The following CACNA2D1 variants were observed in gnomAD, a reference collection of about 807,000 sequenced individuals.
The protein encoded by CACNA2D1 is voltage-dependent calcium channel subunit alpha-2/delta-1.
In CACNA2D1, 53 loss-of-function variants were observed where a neutral mutation model predicts 171.5. The observed-to-expected ratio is 0.31, with a 90% CI of 0.25 to 0.39. CACNA2D1 has a LOEUF of 0.39. Ranked by LOEUF, CACNA2D1 falls within the 10% of genes least tolerant of loss-of-function variation. CACNA2D1 has a pLI of 1.00. For synonymous variants in CACNA2D1, 442 were observed against 443.1 expected (o/e 1.00, Z 0.03); for missense variants, 903 against 1,299.8 (o/e 0.69, Z 4.69).
intron 3 of CACNA2D1, among the ~76,000 whole-genome samples, chr7:82,230,654 A>G (rs1802832069): frequency 6.6e-6 from 1 of 152,194 alleles, no homozygotes; most frequent in Non-Finnish European, 1.5e-5. Flanking sequence ...TGGTAATGCT[A>G]TTTTAAAATA....
rs189241774 is a variant in CACNA2D1 at position 82,085,142 on chromosome 7, T to G, written c.527-242A>C. 1.4e-3 allele frequency among the ~76,000 whole-genome samples: 211 copies of G among 152,294 alleles called. 2 individuals are homozygous for G. The highest frequency in any genetic ancestry group is 2.2e-3 in the Non-Finnish European group (151 of 68,026). Reference sequence around the variant, plus strand: ...AGAGGTTTATACTCTGGAGAGAATTTCTGAAAACAAAACTTTGTATGACAG... The same window carrying G: ...AGAGGTTTATACTCTGGAGAGAATTGCTGAAAACAAAACTTTGTATGACAG... On this transcript the variant is annotated intron_variant, in intron 6 of 38. Transcript: ENST00000356860.
intron 4 of CACNA2D1, among the ~76,000 whole-genome samples, chr7:82,169,555 A>G (rs998171114): frequency 1.3e-5 from 2 of 152,054 alleles, no homozygotes; most frequent in Admixed American, 6.6e-5. Context: ...TTTTCCTTTG[A>G]TATTCAACAT....
intron 2 of CACNA2D1, among the ~76,000 whole-genome samples, chr7:82,345,291 C>A: frequency 6.6e-6 from 1 of 152,118 alleles, no homozygotes; most frequent in East Asian, 1.9e-4. Flanking sequence ...CTTTGAGTAG[C>A]ATATTGAAAT....
chr7:82,437,812 G>T (rs1830219339), intron 1 of CACNA2D1, among the ~76,000 whole-genome samples: 1 of 151,990 alleles, frequency 6.6e-6, no homozygotes, highest in South Asian at 2.1e-4. Context: ...AGCCTACAAA[G>T]AAGGGATATT....
At chr7:82,220,706 C>A (rs1049285842) in intron 3 of CACNA2D1, among the ~76,000 whole-genome samples, 5 of 151,580 alleles carry the variant, frequency 3.3e-5, no homozygotes, top group Non-Finnish European at 4.4e-5. Context: ...ATAGCCATTG[C>A]AGATAGTGCT....
At chr7:82,415,154 T>C (rs1329683591) in intron 1 of CACNA2D1, among the ~76,000 whole-genome samples, 5 of 152,032 alleles carry the variant, frequency 3.3e-5, no homozygotes, top group South Asian at 4.2e-4. Flanking sequence ...CACAGAAGAG[T>C]ACAGGAAGAC....
At position 82,030,832 on chromosome 7, in the gene CACNA2D1, G is replaced by C. The variant is rs566371990; in HGVS notation, c.1143+1965C>G. On this transcript the variant is annotated intron_variant, in intron 12 of 38. Transcript: ENST00000356860. ...GATTAATTTGTAAATTTTTGAGATA[G>C]TACATTTTATATTAATAGAATTGAA... is the stretch of plus-strand genomic sequence containing the variant. 9.9e-5 allele frequency among the ~76,000 whole-genome samples: 15 copies of C among 151,886 alleles called. No individual in the cohort carries two copies. In the Admixed American group the frequency reaches 9.9e-4, roughly 10 times the overall value.
In CACNA2D1 at chr7:82,066,349, C is replaced by A. The variant is rs1183493335; in HGVS notation, c.728+106G>T. On this transcript the variant is annotated intron_variant, in intron 8 of 38. Coordinates refer to ENST00000356860, the MANE Select transcript of CACNA2D1 (RefSeq NM_000722.4). ...TTATTTTTAAAAATCAGATCACTTT[C>A]AATAAGTAGTTAATACTCATCCTAA... 4 of 1,403,354 alleles carry A rather than the reference C, an allele frequency of 2.9e-6. No individual in the cohort carries two copies. In the African/African-American group the frequency reaches 5.8e-5, roughly 20 times the overall value. The allele number at this position is 1,403,354 out of a possible 1,614,324, so 86.9% of individuals were successfully genotyped here.
intron 1 of CACNA2D1, among the ~76,000 whole-genome samples, chr7:82,429,925 G>A (rs1829529030): frequency 6.6e-6 from 1 of 152,150 alleles, no homozygotes; most frequent in African/African-American, 2.4e-5. Context: ...AGTCTGCACA[G>A]CCTCCATTGT....
At position 81,983,379 on chromosome 7, in the gene CACNA2D1, AAG is replaced by A. The variant is rs1491558757; in HGVS notation, c.1874-47_1874-46del. 6.0e-6 allele frequency: 9 copies of A among 1,507,286 alleles called. No individual in the cohort carries two copies. The African/African-American group carries it at 1.1e-4, about 18-fold the overall frequency. 93.4% of individuals were successfully genotyped at this position (1,507,286 alleles called of 1,614,324 possible). The stretch of plus-strand genomic sequence containing the variant: ...AGAGAAAGCAGGGAAACAAAAAAAA[AAG>A]AGGGTAAAGCAAAGGGGGTCATAAA... On this transcript the variant is annotated intron_variant, in intron 22 of 38. Transcript: ENST00000356860.
At chr7:82,426,895 T>C (rs994920784) in intron 1 of CACNA2D1, among the ~76,000 whole-genome samples, 1 of 152,138 alleles carries the variant, frequency 6.6e-6, no homozygotes, top group African/African-American at 2.4e-5. Flanking sequence ...TGCTACAGAA[T>C]TAGAGAGGGA....
chr7:82,277,033 A>G (rs946304085), intron 3 of CACNA2D1, among the ~76,000 whole-genome samples: 2 of 151,984 alleles, frequency 1.3e-5, no homozygotes, highest in Admixed American at 1.3e-4. Context: ...GGTGGGAGCC[A>G]CCCTGCCCAG....
At chr7:82,127,686 GTTA>G (rs1790489154) in intron 5 of CACNA2D1, among the ~76,000 whole-genome samples, 2 of 152,148 alleles carry the variant, frequency 1.3e-5, no homozygotes, top group African/African-American at 2.4e-5. Flanking sequence ...TTTAAAGAGA[GTTA>G]TTATTTAAAT....
In CACNA2D1 at chr7:82,039,447, C is replaced by A. The variant is rs184062411; in HGVS notation, c.880-1212G>T. Among the ~76,000 whole-genome samples the A allele has an allele frequency of 9.2e-5, 14 of 152,230 alleles. 1 individual carries two copies. In the East Asian group the frequency reaches 2.5e-3, roughly 27 times the overall value. On this transcript the variant is annotated intron_variant, in intron 10 of 38. Transcript: ENST00000356860. ...AAATATATAAACAGTTATATAGTGTCTACTATGTGCTGCATTTACTACATA... is the reference window on the plus strand; with the variant it reads ...AAATATATAAACAGTTATATAGTGTATACTATGTGCTGCATTTACTACATA...
intron 15 of CACNA2D1, chr7:82,009,117 A>G (rs1799452893): frequency 6.6e-6 from 1 of 152,128 alleles, no homozygotes; most frequent in Non-Finnish European, 1.5e-5. Context: ...TATTCTCGTG[A>G]TAGTGAGTAA....
At chr7:82,111,824 CATATAA>C (rs1050163242) in intron 6 of CACNA2D1, among the ~76,000 whole-genome samples, 1 of 151,988 alleles carries the variant, frequency 6.6e-6, no homozygotes, top group African/African-American at 2.4e-5. Flanking sequence ...TTTCTTAACA[CATATAA>C]ATATAATCCA....
chr7:82,217,753 C>A (rs1801308986), intron 3 of CACNA2D1, among the ~76,000 whole-genome samples: 1 of 150,812 alleles, frequency 6.6e-6, no homozygotes, highest in Non-Finnish European at 1.5e-5. Context: ...AGAATAGTTT[C>A]AGGGGTAAAA....
At chr7:82,001,962 C>T (rs1410825383) in intron 18 of CACNA2D1, among the ~76,000 whole-genome samples, 1 of 122,328 alleles carries the variant, frequency 8.2e-6, no homozygotes, top group African/African-American at 3.2e-5. Flanking sequence ...TAGAAAAGTA[C>T]GTATTTGGGA....
At chr7:82,138,152 G>A (rs974168214) in intron 4 of CACNA2D1, among the ~76,000 whole-genome samples, 2 of 152,058 alleles carry the variant, frequency 1.3e-5, no homozygotes, top group African/African-American at 2.4e-5. Flanking sequence ...TGTTTTCTCA[G>A]TTTATTTACC....
Sources: allele counts gnomAD v4.1 joint callset (sites outside exome capture counted in the v4.1 genomes callset), GRCh38; gene constraint gnomAD v4.1.1; transcripts MANE v1.5; gene names NCBI Gene and HGNC (gene_info 2026-07-23, HGNC 2026-07-21).